TENM4: variants seen among roughly 807,000 people sequenced by gnomAD.
TENM4 encodes teneurin transmembrane protein 4.
A neutral mutation model predicts 243.3 loss-of-function variants in TENM4; 82 were observed. That is an observed-to-expected ratio of 0.34 (90% CI 0.28 to 0.40). The LOEUF (loss-of-function observed/expected upper bound fraction) is 0.40. Ranked by LOEUF, TENM4 falls within the 10% of genes least tolerant of loss-of-function variation. The pLI is 1.00. For synonymous variants in TENM4, 1,412 were observed against 1,456.3 expected (o/e 0.97, Z 0.69); for missense variants, 3,138 against 3,673.3 (o/e 0.85, Z 3.77).
rs1199827044 is a variant in TENM4, at chr11:78,745,212, C to CT, written c.2757-6643dup. Among the ~76,000 whole-genome samples, 6 of 147,532 alleles carry CT rather than the reference C, an allele frequency of 4.1e-5. No individual in the cohort carries two copies. In the East Asian group the frequency reaches 7.9e-4, roughly 19 times the overall value. On this transcript the variant is annotated intron_variant, in intron 19 of 33. Coordinates refer to ENST00000278550, the MANE Select transcript of TENM4 (RefSeq NM_001098816.3). ...CAGTGTGGGTCCACTGTCCCTCTTTCTTTTTTTTCTTTTTCTTTTTTTTTT... is the reference window on the plus strand; with the variant it reads ...CAGTGTGGGTCCACTGTCCCTCTTTCTTTTTTTTTCTTTTTCTTTTTTTTTT...
chr11:79,415,641 T>C (rs1005327966), intron 1 of TENM4, among the ~76,000 whole-genome samples: 1 of 152,192 alleles, frequency 6.6e-6, no homozygotes, highest in African/African-American at 2.4e-5. Flanking sequence ...TGTGGTGGCA[T>C]CTGAAGAGAA....
chr11:79,368,838 C>T (rs890263284), intron 1 of TENM4, among the ~76,000 whole-genome samples: 2 of 152,180 alleles, frequency 1.3e-5, no homozygotes, highest in Admixed American at 6.5e-5. Flanking sequence ...ATTAATTAGC[C>T]TAATTTCTCC....
intron 1 of TENM4, among the ~76,000 whole-genome samples, chr11:79,366,205 T>C (rs1465797904): frequency 6.6e-6 from 1 of 152,216 alleles, no homozygotes; most frequent in Non-Finnish European, 1.5e-5. Context: ...TTTCCACCGA[T>C]GACTCAGGGC....
intron 6 of TENM4, among the ~76,000 whole-genome samples, chr11:78,912,507 C>T (rs749616592): frequency 7.2e-5 from 11 of 152,188 alleles, no homozygotes; most frequent in East Asian, 1.9e-4. Flanking sequence ...TGGCCCGCCT[C>T]GGCCTCCCAA....
intron 12 of TENM4, among the ~76,000 whole-genome samples, chr11:78,827,471 C>CTGTTTATTTATT (rs1857880005): frequency 6.8e-6 from 1 of 146,040 alleles, no homozygotes; most frequent in African/African-American, 2.6e-5. Flanking sequence ...CCTTCAAAGC[C>CTGTTTATTTATT]TATTTATTTA....
At chr11:79,385,844 G>A (rs953803530) in intron 1 of TENM4, among the ~76,000 whole-genome samples, 1 of 152,044 alleles carries the variant, frequency 6.6e-6, no homozygotes, top group African/African-American at 2.4e-5. Flanking sequence ...CAGGATCCCT[G>A]TGCCCCTCCT....
rs1317445790 is a variant in TENM4 at position 78,716,230 on chromosome 11, T to C, written c.3822-3516A>G. Among the ~76,000 whole-genome samples, 4 of 152,130 alleles carry C rather than the reference T, an allele frequency of 2.6e-5. No individual in the cohort carries two copies. In the East Asian group the frequency reaches 7.7e-4, roughly 29 times the overall value. On this transcript the variant is annotated intron_variant, in intron 25 of 33. Transcript: ENST00000278550. ...CTGCCCAGGATCTAAAAGGTTCCTC[T>C]GCCCATATTCACCTGGGAGTACCTG...
chr11:78,813,713 G>C (rs78445177), intron 13 of TENM4, among the ~76,000 whole-genome samples: 4,999 of 152,274 alleles, frequency 0.033, 253 homozygotes, highest in African/African-American at 0.11. Context: ...TCGTGGGCAG[G>C]CTTTTAGACT....
At chr11:79,423,737 G>C (rs913754846) in intron 1 of TENM4, among the ~76,000 whole-genome samples, 1 of 152,072 alleles carries the variant, frequency 6.6e-6, no homozygotes, top group African/African-American at 2.4e-5. Flanking sequence ...TGAGGATTTA[G>C]AAGAGTCTCT....
At chr11:79,012,104 T>C (rs587767) in intron 6 of TENM4, among the ~76,000 whole-genome samples, 74,282 of 151,970 alleles carry the variant, frequency 0.49, 18,885 homozygotes, top group Middle Eastern at 0.57. Flanking sequence ...AAAGCACATG[T>C]CTCCAGAAAA....
intron 12 of TENM4, among the ~76,000 whole-genome samples, chr11:78,852,262 G>A (rs1008484535): frequency 6.6e-6 from 1 of 152,186 alleles, no homozygotes; most frequent in Non-Finnish European, 1.5e-5. Flanking sequence ...GAAATATTGA[G>A]CCTGTATTTA....
chr11:79,218,234 A>AAC, intron 2 of TENM4, among the ~76,000 whole-genome samples: 1 of 96,462 alleles, frequency 1.0e-5, no homozygotes, highest in Non-Finnish European at 1.9e-5. Context: ...CCCCCTGCCC[A>AAC]CCCACCCCCG....
At chr11:79,066,521 C>A (rs1860250990) in intron 5 of TENM4, among the ~76,000 whole-genome samples, 1 of 152,176 alleles carries the variant, frequency 6.6e-6, no homozygotes, top group African/African-American at 2.4e-5. Context: ...AGAGTAGGTG[C>A]CCTGTAAAAG....
intron 1 of TENM4, among the ~76,000 whole-genome samples, chr11:79,412,691 A>T (rs1658883456): frequency 6.6e-6 from 1 of 152,230 alleles, no homozygotes; most frequent in African/African-American, 2.4e-5. Context: ...GTATCAAATA[A>T]ATACTCATCC....
intron 20 of TENM4, among the ~76,000 whole-genome samples, chr11:78,737,342 A>G (rs1855824419): frequency 6.6e-6 from 1 of 152,216 alleles, no homozygotes; most frequent in African/African-American, 2.4e-5. Context: ...AATGTCTTCC[A>G]GCTGGGCCTC....
intron 6 of TENM4, among the ~76,000 whole-genome samples, chr11:79,008,470 G>T (rs745322760): frequency 6.6e-6 from 1 of 152,142 alleles, no homozygotes; most frequent in African/African-American, 2.4e-5. Flanking sequence ...TTAACATTTT[G>T]TTATATATAC....
At chr11:79,147,158 A>G (rs779618332) in intron 4 of TENM4, among the ~76,000 whole-genome samples, 3 of 152,138 alleles carry the variant, frequency 2.0e-5, no homozygotes, top group Non-Finnish European at 2.9e-5. Context: ...GATACAGTCC[A>G]TAATACATGA....
chr11:78,700,282 C>T (rs1286044189), intron 28 of TENM4, among the ~76,000 whole-genome samples: 2 of 152,226 alleles, frequency 1.3e-5, no homozygotes, highest in Non-Finnish European at 2.9e-5. Flanking sequence ...CAAGCTCTGG[C>T]ATCAGACTTG....
intron 1 of TENM4, among the ~76,000 whole-genome samples, chr11:79,318,680 A>G (rs1031796546): frequency 1.3e-5 from 2 of 152,236 alleles, no homozygotes; most frequent in Non-Finnish European, 2.9e-5. Context: ...AGTATAATGT[A>G]GTAAAATAAC....
Sources: gnomAD v4.1 joint callset for allele counts (sites outside exome capture counted in the v4.1 genomes callset) on GRCh38, gnomAD v4.1.1 for gene constraint, MANE v1.5 for transcripts, NCBI Gene and HGNC (gene_info 2026-07-23, HGNC 2026-07-21) for gene names.